The following PLXNA4 variants were observed in gnomAD, a reference collection of about 807,000 sequenced individuals.
PLXNA4 encodes plexin A4.
In PLXNA4, 44 loss-of-function variants were observed where a neutral mutation model predicts 191.8. The ratio of observed to expected loss-of-function variants is 0.23; its 90% CI spans 0.18 to 0.29. The LOEUF (loss-of-function observed/expected upper bound fraction) is 0.29, where lower values mean the gene tolerates loss of function less well. Among genes scored for constraint, PLXNA4 ranks in the 10% least tolerant of loss-of-function variants. PLXNA4 has a pLI of 1.00. For synonymous variants in PLXNA4, 1,082 were observed against 1,009.5 expected (o/e 1.07, Z -1.36); for missense variants, 1,800 against 2,488.8 (o/e 0.72, Z 5.89).
Position 132,508,430 on chromosome 7 carries a change from C to A in PLXNA4, c.264G>T (p.Pro88=). 3 of 1,614,148 alleles carry A rather than the reference C, an allele frequency of 1.9e-6. No homozygotes were observed. The highest frequency in any genetic ancestry group is 2.5e-6 in the Non-Finnish European group (3 of 1,180,038). Residue 88 remains proline, a synonymous_variant, in exon 2 of 32, where the codon CCG becomes CCT. Transcript: ENST00000321063. This position sits in a 1 kb window ranked among gnomAD's most constrained non-coding sequence, Gnocchi z 4.4. The part of the protein sequence containing the change: ...LKVLVTHETG[P]DEDNPKCYPP... ...GGTAACACTTGGGGTTGTCCTCGTC[C>A]GGCCCTGTCTCATGCGTCACCAAGA...
intron 1 of PLXNA4, among the ~76,000 whole-genome samples, chr7:132,540,452 T>C (rs1800021998): frequency 6.6e-6 from 1 of 151,878 alleles, no homozygotes; most frequent in South Asian, 2.1e-4. Context: ...TCCAGCTCCG[T>C]GGGCCCAGGC....
At chr7:132,565,660 G>A (rs1801688499) in intron 1 of PLXNA4, among the ~76,000 whole-genome samples, 1 of 152,146 alleles carries the variant, frequency 6.6e-6, no homozygotes, top group Non-Finnish European at 1.5e-5. Flanking sequence ...GAGGACCAAA[G>A]AGAATGCCAT....
At chr7:132,591,478 CTTCTAT>C (rs1426909376) in intron 2 of PLXNA4, among the ~76,000 whole-genome samples, 2 of 152,124 alleles carry the variant, frequency 1.3e-5, no homozygotes, top group Non-Finnish European at 2.9e-5. Flanking sequence ...AGTATTGTAG[CTTCTAT>C]TTCTATTTAT....
At chr7:132,181,322 C>G (rs1796696139) in intron 18 of PLXNA4, 59 bp downstream of exon 18, 1 of 1,602,560 alleles carries the variant, frequency 6.2e-7, no homozygotes, top group South Asian at 1.1e-5. Flanking sequence ...CTTGAACACC[C>G]CCTTCCATGC....
At chr7:132,478,653 C>T (rs1797218895) in intron 3 of PLXNA4, among the ~76,000 whole-genome samples, 1 of 152,208 alleles carries the variant, frequency 6.6e-6, no homozygotes, top group Non-Finnish European at 1.5e-5. Flanking sequence ...AGGTAGAATC[C>T]TGCCTAGAGG....
intron 2 of PLXNA4, among the ~76,000 whole-genome samples, chr7:132,612,608 G>A (rs1803073042): frequency 6.8e-6 from 1 of 147,338 alleles, no homozygotes; most frequent in African/African-American, 2.5e-5. Context: ...AGGTTGCAGT[G>A]AGAGGAGATT....
chr7:132,377,924 C>T (rs1484963972), intron 3 of PLXNA4, among the ~76,000 whole-genome samples: 4 of 152,036 alleles, frequency 2.6e-5, no homozygotes, highest in Non-Finnish European at 4.4e-5. Context: ...TACTGGAGGC[C>T]GCGAGCTGAA....
chr7:132,234,316 G>T (rs1246356691), intron 5 of PLXNA4, among the ~76,000 whole-genome samples: 2 of 152,190 alleles, frequency 1.3e-5, no homozygotes, highest in Admixed American at 6.5e-5. Flanking sequence ...AGTCCAGTAG[G>T]CTTGGTGCAG....
intron 3 of PLXNA4, among the ~76,000 whole-genome samples, chr7:132,366,961 G>A (rs959187209): frequency 1.3e-5 from 2 of 151,990 alleles, no homozygotes; most frequent in African/African-American, 2.4e-5. Flanking sequence ...GTAGAGACAG[G>A]TTCTCGCTAT....
intron 4 of PLXNA4, among the ~76,000 whole-genome samples, chr7:132,297,664 G>A (rs1801140496): frequency 6.6e-6 from 1 of 152,220 alleles, no homozygotes; most frequent in East Asian, 1.9e-4. Flanking sequence ...CCTGACCATG[G>A]TGTTCCCTTA....
chr7:132,425,342 T>C (rs1795003173), intron 3 of PLXNA4, among the ~76,000 whole-genome samples: 1 of 152,188 alleles, frequency 6.6e-6, no homozygotes, highest in Non-Finnish European at 1.5e-5. Context: ...TTGGAGACAC[T>C]TTTAAAGCTA....
chr7:132,449,049 G>A (rs368967264), intron 3 of PLXNA4, among the ~76,000 whole-genome samples: 1 of 152,226 alleles, frequency 6.6e-6, no homozygotes, highest in African/African-American at 2.4e-5. Flanking sequence ...GCAAACCACT[G>A]GTTTATGATC....
intron 3 of PLXNA4, among the ~76,000 whole-genome samples, chr7:132,313,181 G>A (rs906609653): frequency 2.0e-5 from 3 of 152,138 alleles, no homozygotes; most frequent in South Asian, 4.1e-4. Context: ...TCAATATTAA[G>A]CTAGTAATGG....
At chr7:132,562,136 T>C (rs1801186688) in intron 1 of PLXNA4, among the ~76,000 whole-genome samples, 1 of 92,724 alleles carries the variant, frequency 1.1e-5, no homozygotes, top group Non-Finnish European at 2.1e-5. Flanking sequence ...CCTCCTTCTC[T>C]CCTTCTCCTC....
intron 1 of PLXNA4, among the ~76,000 whole-genome samples, chr7:132,527,699 T>C (rs965536796): frequency 6.6e-6 from 1 of 152,140 alleles, no homozygotes; most frequent in African/African-American, 2.4e-5. Context: ...CCCAGCTGAA[T>C]TGACACCCGA....
At chr7:132,140,278 TG>T (rs1035066091) in intron 30 of PLXNA4, among the ~76,000 whole-genome samples, 1 of 152,140 alleles carries the variant, frequency 6.6e-6, no homozygotes, top group East Asian at 1.9e-4. Flanking sequence ...ATTTATTTTT[TG>T]GGGGGTGGGT....
At chr7:132,636,042 G>T (rs957573383) in intron 2 of PLXNA4, among the ~76,000 whole-genome samples, 6 of 152,252 alleles carry the variant, frequency 3.9e-5, no homozygotes, top group Admixed American at 2.0e-4. Flanking sequence ...TTCAGGAGTG[G>T]GCATCCCCTC....
At position 132,582,605 on chromosome 7, in the gene PLXNA4, T is replaced by C. The variant is rs531985714; in HGVS notation, c.-87+63323A>G. Among the ~76,000 whole-genome samples, 13 of 152,296 alleles carry C rather than the reference T, an allele frequency of 8.5e-5. No individual in the cohort carries two copies. In the East Asian group the frequency reaches 2.3e-3, roughly 27 times the overall value. On this transcript the variant is annotated intron_variant, in intron 2 of 4. Coordinates refer to the PLXNA4 transcript ENST00000378539. ...CTACCCACCAACAACCAGTGCCAGCTTGCCAGCCCCATGAGTGAGCCACCC... is the reference window on the plus strand; with the variant it reads ...CTACCCACCAACAACCAGTGCCAGCCTGCCAGCCCCATGAGTGAGCCACCC...
intron 10 of PLXNA4, among the ~76,000 whole-genome samples, chr7:132,207,555 C>T (rs1318913511): frequency 1.3e-5 from 2 of 152,238 alleles, no homozygotes; most frequent in South Asian, 4.1e-4. Context: ...CCCACCAGCT[C>T]CTGGGGGCTG....
Sources: gnomAD v4.1 joint callset for allele counts (sites outside exome capture counted in the v4.1 genomes callset) on GRCh38, gnomAD v4.1.1 for gene constraint, Gnocchi (gnomAD v3.1) non-coding constraint, MANE v1.5 for transcripts, NCBI Gene and HGNC (gene_info 2026-07-23, HGNC 2026-07-21) for gene names.